The following SRCIN1 variants were observed in gnomAD, a reference collection of about 807,000 sequenced individuals.
SRCIN1 encodes the protein SRC kinase signaling inhibitor 1.
A neutral mutation model predicts 116.2 loss-of-function variants in SRCIN1; 50 were observed. The ratio of observed to expected loss-of-function variants is 0.43; its 90% confidence interval spans 0.34 to 0.54. The LOEUF (loss-of-function observed/expected upper bound fraction) is 0.54, where lower values mean the gene tolerates loss of function less well. SRCIN1 is among the 20% of genes least tolerant of loss of function. The probability of loss-of-function intolerance (pLI) is 0.02; values close to 1 mark genes in which losing one functional copy is unlikely to be tolerated. For missense variants in SRCIN1, 1,446 were observed against 1,672.0 expected (o/e 0.86, Z 2.36); for synonymous variants, 736 against 750.0 (o/e 0.98, Z 0.30).
At chr17:38,573,359 C>G (rs1307987285) in intron 2 of SRCIN1, among the ~76,000 whole-genome samples, 2 of 152,224 alleles carry the variant, frequency 1.3e-5, no homozygotes, top group African/African-American at 4.8e-5. Context: ...CTGTGTGGTT[C>G]TGGCCTTTCC....
chr17:38,543,482 C>T (rs780883774), intron 18 of SRCIN1, among the ~76,000 whole-genome samples: 2 of 152,210 alleles, frequency 1.3e-5, no homozygotes, highest in African/African-American at 2.4e-5. Context: ...GGGACCCAGG[C>T]GTTGGGGCTG....
At position 38,585,961 on chromosome 17, in the gene SRCIN1, C is replaced by T. The variant is rs1201787815; in HGVS notation, c.23-7170G>A. Among the ~76,000 whole-genome samples the T allele has an allele frequency of 1.3e-5, 2 of 152,128 alleles. No individual in the cohort carries two copies. The highest frequency in any genetic ancestry group is 4.8e-5 in the African/African-American group (2 of 41,406). ...GCACCTCCCCACGGTGATCCCCACT[C>T]CCTGCCAGCCCAGCCCCACCCCCTG... On this transcript the variant is annotated intron_variant, in intron 1 of 18. Coordinates refer to ENST00000617146, the MANE Select transcript of SRCIN1 (RefSeq NM_025248.3). The surrounding 1 kb of genome is among the most constrained non-coding windows in gnomAD (Gnocchi z 4.2).
chr17:38,548,804 C>G lies in SRCIN1; in HGVS notation c.3118-95G>C. On this transcript the variant is annotated intron_variant, in intron 16 of 18. Coordinates refer to ENST00000617146, the MANE Select transcript of SRCIN1 (RefSeq NM_025248.3). The stretch of plus-strand genomic sequence containing the variant: ...CCATCGCCCATGTACCCCAGCTTCT[C>G]GTCTGCTACTTCTGCTGCTACACCC... The G allele has an allele frequency of 2.8e-6, 4 of 1,427,350 alleles. No homozygotes were observed. The South Asian group carries it at 5.8e-5, about 21-fold the overall frequency. 88.4% of individuals were successfully genotyped at this position (1,427,350 alleles called of 1,614,324 possible). A position where few individuals can be genotyped will look rare whatever the true frequency, so the allele number is the denominator to read the frequency against.
chr17:38,549,099 C>T lies in SRCIN1; in HGVS notation c.3074G>A (p.Gly1025Glu), dbSNP rs763078891. ...SSHGLTTTRT[G>E]EVVVTSKKDS... ...CTTCTTGCTGGTGACCACCACCTCTCCGGTACGTGTGGTGGTCAGGCCATG... is the reference window on the plus strand; with the variant it reads ...CTTCTTGCTGGTGACCACCACCTCTTCGGTACGTGTGGTGGTCAGGCCATG... The change falls in exon 16 of 19, where the codon GGA becomes GAA. Residue 1025 changes from glycine (G) to glutamate (E), a missense_variant. By Grantham distance (98) the Gly-to-Glu change is moderately conservative. Around this residue, in one of 5 missense-constraint regions of SRCIN1, gnomAD observed 531 missense variants for 633.9 expected, o/e 0.84. Transcript: ENST00000617146. 1 of 1,612,594 alleles carries T rather than the reference C, an allele frequency of 6.2e-7. No individual in the cohort carries two copies. Among genetic ancestry groups the T allele is most frequent in the Non-Finnish European group, 8.5e-7 (1 of 1,179,654 alleles).
Position 38,552,327 on chromosome 17 carries a change from G to A in SRCIN1, c.2480+120C>T. ...AGGGGTCACAGGGCAGAGCTGAGGTGCCAGTCCAGTCGGCACGCCAGTGAC... is the reference window on the plus strand; with the variant it reads ...AGGGGTCACAGGGCAGAGCTGAGGTACCAGTCCAGTCGGCACGCCAGTGAC... On this transcript the variant is annotated intron_variant, in intron 13 of 18. Transcript: ENST00000617146. The surrounding 1 kb of genome is among the most constrained non-coding windows in gnomAD (Gnocchi z 5.3). 2.1e-6 allele frequency: 3 copies of A among 1,442,764 alleles called. No individual in the cohort carries two copies. Among genetic ancestry groups the A allele is most frequent in the Non-Finnish European group, 1.8e-6 (2 of 1,085,270 alleles). The allele number at this position is 1,442,764 out of a possible 1,614,324, so 89.4% of individuals were successfully genotyped here. A position where few individuals can be genotyped will look rare whatever the true frequency, so the allele number is the denominator to read the frequency against.
At chr17:38,574,798 C>T in intron 2 of SRCIN1, 1 of 400,114 alleles carries the variant, frequency 2.5e-6, no homozygotes, top group Non-Finnish European at 4.4e-6. Context: ...GAACATCCCC[C>T]CTCCAAAAAA....
intron 1 of SRCIN1, among the ~76,000 whole-genome samples, chr17:38,598,237 G>C (rs1908826952): frequency 6.6e-6 from 1 of 152,154 alleles, no homozygotes; most frequent in Non-Finnish European, 1.5e-5. Flanking sequence ...ACTGGGTGGG[G>C]TGGAATAGGC....
At chr17:38,546,912 C>T (rs1025839969) in intron 17 of SRCIN1, among the ~76,000 whole-genome samples, 3 of 85,512 alleles carry the variant, frequency 3.5e-5, no homozygotes, top group East Asian at 5.4e-4. Context: ...TTCTCCAGAG[C>T]GGAGCCCCCC....
intron 18 of SRCIN1, among the ~76,000 whole-genome samples, chr17:38,540,050 T>G (rs1904632822): frequency 6.6e-6 from 1 of 150,552 alleles, no homozygotes; most frequent in Admixed American, 6.6e-5. Context: ...AAAAGTATCT[T>G]CATTTCAGCC....
chr17:38,583,592 G>GC (rs1485551127), intron 1 of SRCIN1, among the ~76,000 whole-genome samples: 2 of 139,738 alleles, frequency 1.4e-5, no homozygotes, highest in African/African-American at 5.5e-5. Flanking sequence ...TCACTCTATG[G>GC]CCCAGGCTGG....
intron 18 of SRCIN1, among the ~76,000 whole-genome samples, chr17:38,537,402 A>G (rs1245742022): frequency 6.6e-6 from 1 of 152,028 alleles, no homozygotes; most frequent in Non-Finnish European, 1.5e-5. Context: ...TGGAAGGCTG[A>G]GGCGGGAGGA....
intron 2 of SRCIN1, among the ~76,000 whole-genome samples, chr17:38,570,237 T>C (rs925817857): frequency 6.6e-6 from 1 of 151,966 alleles, no homozygotes; most frequent in Non-Finnish European, 1.5e-5. Flanking sequence ...CATTCACACA[T>C]AGACCGCCCC....
rs1352102111 is a variant in SRCIN1, at chr17:38,558,358, C to T, written c.2070G>A (p.Glu690=). The change falls in exon 11 of 19, where the codon GAG becomes GAA. Residue 690 remains glutamate (E), a synonymous_variant. Coordinates refer to ENST00000617146, the MANE Select transcript of SRCIN1 (RefSeq NM_025248.3). This position sits in a 1 kb window ranked among gnomAD's most constrained non-coding sequence, Gnocchi z 4.6. The part of the protein sequence containing the change: ...ESVRALLKRT[E]AELSMRVSEA... ...CCGACACGCGCATGCTCAGCTCTGC[C>T]TCCGTGCGCTTCAGCAGCGCGCGCA... The T allele has an allele frequency of 1.9e-6, 3 of 1,607,888 alleles. No homozygotes were observed. Among genetic ancestry groups the T allele is most frequent in the African/African-American group, 2.7e-5 (2 of 75,052 alleles).
chr17:38,532,235 CAA>C lies in SRCIN1; in HGVS notation c.*1060_*1061del, dbSNP rs1341972345. ...AATTGCCAAGAGGATGACTGAAGTT[CAA>C]GTCACCCCACCTGCGGGTCCCAGGT... On this transcript the variant is annotated 3_prime_UTR_variant, in exon 19 of 19. Transcript: ENST00000617146. This position sits in a 1 kb window ranked among gnomAD's most constrained non-coding sequence, Gnocchi z 4.3. 6.6e-6 allele frequency: 1 copy of C among 152,474 alleles called. No individual in the cohort carries two copies. Among genetic ancestry groups the C allele is most frequent in the African/African-American group, 2.4e-5 (1 of 41,414 alleles). 9.4% of individuals were successfully genotyped at this position (152,474 alleles called of 1,614,324 possible). A position where few individuals can be genotyped will look rare whatever the true frequency, so the allele number is the denominator to read the frequency against.
In SRCIN1 at chr17:38,568,081, C is replaced by A; in HGVS notation, c.345+130G>T. On this transcript the variant is annotated intron_variant, in intron 3 of 18. Transcript: ENST00000617146. This position sits in a 1 kb window ranked among gnomAD's most constrained non-coding sequence, Gnocchi z 4.5. ...GCAGCCACAGCCTGCAGCCCCGAGG[C>A]CCACCGCCCATACCAGAAGGTGTCC... 1.2e-5 allele frequency: 14 copies of A among 1,141,824 alleles called. No homozygotes were observed. The highest frequency in any genetic ancestry group is 2.5e-5 in the East Asian group (1 of 39,402). 70.7% of individuals were successfully genotyped at this position (1,141,824 alleles called of 1,614,324 possible). A position where few individuals can be genotyped will look rare whatever the true frequency, so the allele number is the denominator to read the frequency against.
chr17:38,580,767 A>G (rs8080886), intron 1 of SRCIN1, among the ~76,000 whole-genome samples: 20,950 of 152,084 alleles, frequency 0.14, 1,627 homozygotes, highest in African/African-American at 0.22. Flanking sequence ...GTGCTCCCCA[A>G]AATAAGGTCC....
intron 11 of SRCIN1, among the ~76,000 whole-genome samples, chr17:38,554,261 A>T (rs1446993384): frequency 1.3e-5 from 2 of 151,486 alleles, no homozygotes; most frequent in African/African-American, 4.9e-5. Context: ...GGTGGATTGG[A>T]TGAGCTAATG....
intron 1 of SRCIN1, among the ~76,000 whole-genome samples, chr17:38,601,503 A>G (rs1207646388): frequency 1.3e-5 from 2 of 151,954 alleles, no homozygotes; most frequent in East Asian, 3.9e-4. Context: ...GTAGGCAAAG[A>G]GAAATATGAG....
intron 18 of SRCIN1, among the ~76,000 whole-genome samples, chr17:38,539,599 C>A (rs1415314794): frequency 1.3e-5 from 2 of 152,142 alleles, no homozygotes; most frequent in Middle Eastern, 3.2e-3. Context: ...CTGCTGCTCC[C>A]GCCCTCCGGG....
Sources: allele counts gnomAD v4.1 joint callset (sites outside exome capture counted in the v4.1 genomes callset), GRCh38; gene constraint gnomAD v4.1.1; regional missense constraint gnomAD v4.1.1; non-coding constraint Gnocchi (gnomAD v3.1); transcripts MANE v1.5; gene names NCBI Gene and HGNC (gene_info 2026-07-23, HGNC 2026-07-21).